LRRC51: variants seen among roughly 807,000 people sequenced by gnomAD.
The protein encoded by LRRC51 is leucine rich repeat containing 51.
A neutral mutation model predicts 17.8 loss-of-function variants in LRRC51; 8 were observed. The observed-to-expected ratio is 0.45, with a 90% CI of 0.26 to 0.81. The LOEUF (loss-of-function observed/expected upper bound fraction) is 0.81, where lower values mean the gene tolerates loss of function less well. LRRC51 is among the 30% of genes least tolerant of loss of function. LRRC51 has a pLI of 0.17. For synonymous variants in LRRC51, 92 were observed against 96.0 expected (o/e 0.96, Z 0.24); for missense variants, 233 against 239.3 (o/e 0.97, Z 0.17).
intron 1 of LRRC51, among the ~76,000 whole-genome samples, chr11:72,082,417 A>T (rs1442973252): frequency 6.6e-6 from 1 of 151,938 alleles, no homozygotes; most frequent in East Asian, 1.9e-4. Flanking sequence ...CCACAACTTC[A>T]TTTTCCACCT....
Position 72,095,654 on chromosome 11 carries a change from A to T in LRRC51, c.*134A>T, listed in dbSNP as rs770224220. The T allele has an allele frequency of 6.5e-7, 1 of 1,537,978 alleles. No homozygotes were observed. The highest frequency in any genetic ancestry group is 8.8e-7 in the Non-Finnish European group (1 of 1,141,776). ...ATGTTCTCTAACTCAGGCAACTGCA[A>T]GTAGCTCTAGCCTTTTCTTTTCTTT... On this transcript the variant is annotated 3_prime_UTR_variant, in exon 6 of 6. Transcript: ENST00000289488.
intron 1 of LRRC51, among the ~76,000 whole-genome samples, chr11:72,085,009 C>A (rs143308648): frequency 5.1e-4 from 78 of 151,784 alleles, no homozygotes; most frequent in African/African-American, 1.7e-3. Context: ...TCACTTTATT[C>A]ATCTATCATA....
At chr11:72,091,709 CA>C (rs1279851270) in intron 3 of LRRC51, among the ~76,000 whole-genome samples, 2 of 152,186 alleles carry the variant, frequency 1.3e-5, no homozygotes, top group African/African-American at 4.8e-5. Flanking sequence ...CCTCCTCAGC[CA>C]AACTTTCTGA....
chr11:72,093,646 C>T lies in LRRC51; in HGVS notation c.233C>T (p.Pro78Leu). The T allele has an allele frequency of 6.2e-7, 1 of 1,614,192 alleles. No homozygotes were observed. The highest frequency in any genetic ancestry group is 1.1e-5 in the South Asian group (1 of 91,086). ...GTGGCTTCACAGCTGTTGGAGCACC[C>T]AGAGAACCTGGCCTGGATCGACCTG... Reference protein sequence around the residue: ...NQVASQLLEHPENLAWIDLSF... With the variant: ...NQVASQLLEHLENLAWIDLSF... Residue 78 changes from proline to leucine, a missense_variant, in exon 4 of 6, where the codon CCA (proline) becomes CTA (leucine). Pro to Leu is a moderately conservative substitution (Grantham distance 98, BLOSUM62 -3). Coordinates refer to ENST00000289488, the MANE Select transcript of LRRC51 (RefSeq NM_145309.6).
chr11:72,089,447 A>C (rs1338318615), intron 3 of LRRC51: 1 of 1,355,844 alleles, frequency 7.4e-7, no homozygotes, highest in Admixed American at 2.3e-5. Flanking sequence ...GGGCTATCAC[A>C]GTAGTTGATC....
chr11:72,095,188 CA>C (rs1945114100), intron 5 of LRRC51, 92 bp downstream of exon 5: 1 of 1,569,838 alleles, frequency 6.4e-7, no homozygotes. Context: ...ATTCTTCTGC[CA>C]TGCTTGGACC....
Position 72,096,876 on chromosome 11 carries a change from A to T in LRRC51, c.*1356A>T. ...TCTGCTTAAGATTTCATTTGATAAA[A>T]AGAATCTTCTGCTTAAAAACATTTG... is the stretch of plus-strand genomic sequence containing the variant. On this transcript the variant is annotated 3_prime_UTR_variant, in exon 6 of 6. Coordinates refer to ENST00000289488, the MANE Select transcript of LRRC51 (RefSeq NM_145309.6). 1.6e-6 allele frequency: 2 copies of T among 1,273,356 alleles called. No individual in the cohort carries two copies. Among genetic ancestry groups the T allele is most frequent in the Non-Finnish European group, 2.0e-6 (2 of 1,002,466 alleles). 78.9% of individuals were successfully genotyped at this position (1,273,356 alleles called of 1,614,324 possible).
chr11:72,090,403 C>T (rs941148407), intron 3 of LRRC51, among the ~76,000 whole-genome samples: 18 of 152,166 alleles, frequency 1.2e-4, no homozygotes, highest in Admixed American at 4.6e-4. Flanking sequence ...AACTCTACAT[C>T]ACAAAACGTA....
chr11:72,085,783 G>A (rs150015752), intron 1 of LRRC51: 354 of 152,564 alleles, frequency 2.3e-3, no homozygotes, highest in Middle Eastern at 6.8e-3. Flanking sequence ...CTCATGTGTC[G>A]GCAGTCATCT....
intron 3 of LRRC51, among the ~76,000 whole-genome samples, chr11:72,092,620 A>T (rs1298729122): frequency 6.6e-6 from 1 of 152,226 alleles, no homozygotes; most frequent in African/African-American, 2.4e-5. Context: ...CTGACATTTG[A>T]GACTTTTGAC....
At chr11:72,084,666 G>C (rs1297983094) in intron 1 of LRRC51, among the ~76,000 whole-genome samples, 2 of 151,874 alleles carry the variant, frequency 1.3e-5, no homozygotes, top group Non-Finnish European at 2.9e-5. Context: ...GCAAAACTGT[G>C]TCTCTACAAA....
chr11:72,088,278 T>C lies in LRRC51; in HGVS notation c.-139-19T>C, dbSNP rs1399087841. 8.8e-6 allele frequency: 6 copies of C among 684,046 alleles called. No homozygotes were observed. The highest frequency in any genetic ancestry group is 3.5e-5 in the African/African-American group (2 of 56,964). 42.4% of individuals were successfully genotyped at this position (684,046 alleles called of 1,614,324 possible). A position where few individuals can be genotyped will look rare whatever the true frequency, so the allele number is the denominator to read the frequency against. Reference sequence around the variant, plus strand: ...ACATTGCAAGTGACTGATAACAACATTGTGTTCATCCCTGTCAGGGAGTAT... The same window carrying C: ...ACATTGCAAGTGACTGATAACAACACTGTGTTCATCCCTGTCAGGGAGTAT... On this transcript the variant is annotated intron_variant, in intron 1 of 5. Transcript: ENST00000289488.
At chr11:72,083,130 G>C (rs1944338730) in intron 1 of LRRC51, among the ~76,000 whole-genome samples, 1 of 152,178 alleles carries the variant, frequency 6.6e-6, no homozygotes, top group African/African-American at 2.4e-5. Flanking sequence ...CTCCCAAAGT[G>C]CTGAGATTAC....
intron 1 of LRRC51, among the ~76,000 whole-genome samples, chr11:72,087,001 G>A (rs1944568014): frequency 1.3e-5 from 2 of 152,150 alleles, no homozygotes; most frequent in Admixed American, 1.3e-4. Flanking sequence ...GTTCTTTGTT[G>A]TCTGCCTGTA....
chr11:72,091,847 A>G lies in LRRC51; in HGVS notation c.83-1649A>G, dbSNP rs143499008. Among the ~76,000 whole-genome samples the G allele has an allele frequency of 3.7e-3, 570 of 152,228 alleles. 4 individuals are homozygous for G. The highest frequency in any genetic ancestry group is 0.013 in the African/African-American group (551 of 41,530). The stretch of plus-strand genomic sequence containing the variant: ...GCAATCCTCCTGTCTTGGCCTCCCA[A>G]AGTGCTGGGATTACAGGCATGAAAC... On this transcript the variant is annotated intron_variant, in intron 3 of 5. Coordinates refer to ENST00000289488, the MANE Select transcript of LRRC51 (RefSeq NM_145309.6).
intron 1 of LRRC51, among the ~76,000 whole-genome samples, chr11:72,084,836 CAAAAAA>C (rs386374128): frequency 4.9e-5 from 5 of 101,716 alleles, no homozygotes; most frequent in South Asian, 3.6e-4. Flanking sequence ...GACCTTGTCT[CAAAAAA>C]AAAAAAAAAA....
At chr11:72,081,265 TA>T (rs1296822362) in intron 1 of LRRC51, among the ~76,000 whole-genome samples, 1 of 151,712 alleles carries the variant, frequency 6.6e-6, no homozygotes, top group Non-Finnish European at 1.5e-5. Context: ...ACCAAAAACA[TA>T]AAAAAATTAG....
chr11:72,089,202 C>A, intron 3 of LRRC51, 37 bp downstream of exon 3: 1 of 1,614,070 alleles, frequency 6.2e-7, no homozygotes, highest in South Asian at 1.1e-5. Flanking sequence ...CTCACTAAGG[C>A]AGCAGGCCCA....
In LRRC51 at chr11:72,089,041, C is replaced by T. The variant is rs1944701723; in HGVS notation, c.-43C>T. The T allele has an allele frequency of 6.2e-7, 1 of 1,612,262 alleles. No individual in the cohort carries two copies. Among genetic ancestry groups the T allele is most frequent in the Non-Finnish European group, 8.5e-7 (1 of 1,179,830 alleles). On this transcript the variant is annotated 5_prime_UTR_variant, in exon 3 of 6. Transcript: ENST00000289488. The stretch of plus-strand genomic sequence containing the variant: ...TCTGTCCTCCCAGGCTGAACCCAGA[C>T]TCCCAGGGCACCTGCTTGCACCTTT...
Sources: allele counts gnomAD v4.1 joint callset (sites outside exome capture counted in the v4.1 genomes callset), GRCh38; gene constraint gnomAD v4.1.1; transcripts MANE v1.5; gene names NCBI Gene and HGNC (gene_info 2026-07-23, HGNC 2026-07-21).